The following CHN2 variants were observed in gnomAD, a reference collection of about 807,000 sequenced individuals.
CHN2 encodes chimerin 2.
A neutral mutation model predicts 56.3 loss-of-function variants in CHN2; 35 were observed. The observed-to-expected ratio is 0.62, with a 90% CI of 0.47 to 0.82. CHN2 has a LOEUF of 0.82. CHN2 is among the 40% of genes least tolerant of loss of function. The pLI is 0.00. For missense variants in CHN2, 491 were observed against 580.5 expected (o/e 0.85, Z 1.58); for synonymous variants, 210 against 212.8 (o/e 0.99, Z 0.12).
At chr7:29,442,539 T>C (rs377100670) in intron 6 of CHN2, among the ~76,000 whole-genome samples, 1 of 152,286 alleles carries the variant, frequency 6.6e-6, no homozygotes. Flanking sequence ...AACAGAATCG[T>C]CTGTTGATAA....
chr7:29,333,356 A>G (rs1796368033), intron 1 of CHN2, among the ~76,000 whole-genome samples: 1 of 152,192 alleles, frequency 6.6e-6, no homozygotes, highest in African/African-American at 2.4e-5. Flanking sequence ...CTGTTGAAAG[A>G]TGTCTCAGAG....
intron 6 of CHN2, among the ~76,000 whole-genome samples, chr7:29,476,537 A>AG (rs1786604261): frequency 6.1e-5 from 1 of 16,442 alleles, no homozygotes; most frequent in South Asian, 1.9e-3. Context: ...AGTCCGTCTC[A>AG]AAAAAAAAAC....
At chr7:29,482,650 C>G (rs1000065102) in intron 7 of CHN2, among the ~76,000 whole-genome samples, 8 of 151,990 alleles carry the variant, frequency 5.3e-5, no homozygotes, top group Non-Finnish European at 1.2e-4. Context: ...GGGCTTTATT[C>G]AGAAGCCTTC....
chr7:29,509,415 A>AT lies in CHN2; in HGVS notation c.1235+10dup, dbSNP rs751965704. The AT allele has an allele frequency of 2.5e-6, 4 of 1,602,424 alleles. No individual in the cohort carries two copies. In the South Asian group the frequency reaches 4.4e-5, roughly 18 times the overall value. On this transcript the variant is annotated intron_variant, in intron 12 of 12. Transcript: ENST00000222792. ...ATGATCCACCTCAAAAAGTAAGCTC[A>AT]TGTCTCGTGCACAAAGCCTGCTCTG...
At chr7:29,280,507 C>G (rs1313570287) in intron 1 of CHN2, among the ~76,000 whole-genome samples, 2 of 152,058 alleles carry the variant, frequency 1.3e-5, no homozygotes, top group African/African-American at 2.4e-5. Flanking sequence ...GAGGAACTTA[C>G]AGTTGGAGTT....
chr7:29,241,568 G>T (rs1245243793), intron 1 of CHN2, among the ~76,000 whole-genome samples: 2 of 152,124 alleles, frequency 1.3e-5, no homozygotes, highest in Non-Finnish European at 2.9e-5. Context: ...GAGCCTACCA[G>T]GCAGACCATG....
rs186943085 is a variant in CHN2 at position 29,366,999 on chromosome 7, T to C, written c.89-933T>C. ...TCTAGAAAGACTTTATCAGATCTAGTCTTTTTAACTTTTTGTAGATTTATT... is the reference window on the plus strand; with the variant it reads ...TCTAGAAAGACTTTATCAGATCTAGCCTTTTTAACTTTTTGTAGATTTATT... On this transcript the variant is annotated intron_variant, in intron 2 of 12. Transcript: ENST00000222792. Among the ~76,000 whole-genome samples the C allele has an allele frequency of 7.9e-5, 12 of 152,348 alleles. No homozygotes were observed. In the East Asian group the frequency reaches 2.1e-3, roughly 27 times the overall value.
chr7:29,374,635 G>A (rs988678431), intron 3 of CHN2, among the ~76,000 whole-genome samples: 1 of 152,172 alleles, frequency 6.6e-6, no homozygotes, highest in Non-Finnish European at 1.5e-5. Context: ...AGGGGAGCAG[G>A]TGAGGTGAGC....
chr7:29,459,727 C>T (rs1313001420), intron 6 of CHN2, among the ~76,000 whole-genome samples: 1 of 152,190 alleles, frequency 6.6e-6, no homozygotes, highest in Non-Finnish European at 1.5e-5. Flanking sequence ...TGCACCCTAG[C>T]AGGGCTCCTT....
intron 1 of CHN2, among the ~76,000 whole-genome samples, chr7:29,277,382 T>C (rs1791320132): frequency 6.6e-6 from 1 of 152,292 alleles, no homozygotes; most frequent in Non-Finnish European, 1.5e-5. Context: ...GTCAAGCCCA[T>C]ACTGGCATGA....
At chr7:29,156,338 C>A (rs563328140) in intron 2 of CHN2, among the ~76,000 whole-genome samples, 1 of 152,270 alleles carries the variant, frequency 6.6e-6, no homozygotes, top group Non-Finnish European at 1.5e-5. Flanking sequence ...CAAAATTAAG[C>A]TTGGTACTTC....
At chr7:29,389,059 C>T (rs111903117) in intron 3 of CHN2, among the ~76,000 whole-genome samples, 2 of 152,116 alleles carry the variant, frequency 1.3e-5, no homozygotes, top group African/African-American at 2.4e-5. Context: ...GTGTTGGGAA[C>T]GTCTCTTCTA....
intron 2 of CHN2, among the ~76,000 whole-genome samples, chr7:29,173,882 G>A (rs570430082): frequency 6.6e-6 from 1 of 151,564 alleles, no homozygotes; most frequent in Non-Finnish European, 1.5e-5. Flanking sequence ...GACCTGGGAG[G>A]TGGAGGCTGC....
At chr7:29,187,885 T>C (rs1277676963) in intron 2 of CHN2, among the ~76,000 whole-genome samples, 1 of 152,208 alleles carries the variant, frequency 6.6e-6, no homozygotes, top group Admixed American at 6.5e-5. Flanking sequence ...TACATAAATA[T>C]GAGGTATATT....
chr7:29,223,517 T>G (rs1785958024), intron 1 of CHN2, among the ~76,000 whole-genome samples: 1 of 152,170 alleles, frequency 6.6e-6, no homozygotes, highest in Non-Finnish European at 1.5e-5. Context: ...CATATAAGAT[T>G]TACTTATGTA....
intron 2 of CHN2, among the ~76,000 whole-genome samples, chr7:29,167,367 T>C (rs1796050118): frequency 6.6e-6 from 1 of 152,206 alleles, no homozygotes; most frequent in African/African-American, 2.4e-5. Context: ...GGTATTTCAT[T>C]AAATGAATAT....
intron 1 of CHN2, among the ~76,000 whole-genome samples, chr7:29,275,511 A>G (rs1562883738): frequency 6.6e-6 from 1 of 152,250 alleles, no homozygotes; most frequent in Non-Finnish European, 1.5e-5. Context: ...TTTAAAATAA[A>G]TGAATATATA....
At chr7:29,459,166 G>A (rs535458106) in intron 6 of CHN2, among the ~76,000 whole-genome samples, 14 of 152,190 alleles carry the variant, frequency 9.2e-5, no homozygotes, top group African/African-American at 3.1e-4. Flanking sequence ...AGATTCTCCC[G>A]CTCGGAAGGC....
chr7:29,243,367 G>A (rs1389556222), intron 1 of CHN2, among the ~76,000 whole-genome samples: 1 of 152,154 alleles, frequency 6.6e-6, no homozygotes, highest in East Asian at 1.9e-4. Context: ...GGTCACAAGT[G>A]TAATCCTGAA....
Sources: gnomAD v4.1 joint callset for allele counts (sites outside exome capture counted in the v4.1 genomes callset) on GRCh38, gnomAD v4.1.1 for gene constraint, MANE v1.5 for transcripts, NCBI Gene and HGNC (gene_info 2026-07-23, HGNC 2026-07-21) for gene names.